The following HDLBP variants were observed in gnomAD, a reference collection of about 807,000 sequenced individuals.
The protein encoded by HDLBP is high density lipoprotein binding protein.
HDLBP carries 30 observed loss-of-function variants against 137.3 expected under a neutral mutation model. The ratio of observed to expected loss-of-function variants is 0.22; its 90% confidence interval spans 0.16 to 0.30. HDLBP has a LOEUF of 0.30. HDLBP is among the 10% of genes least tolerant of loss of function. The pLI is 1.00. For synonymous variants in HDLBP, 606 were observed against 596.0 expected (o/e 1.02, Z -0.24); for missense variants, 1,119 against 1,667.3 (o/e 0.67, Z 5.73).
intron 6 of HDLBP, 55 bp from the exon 7 acceptor site, chr2:241,256,454 C>G: frequency 6.5e-7 from 1 of 1,529,128 alleles, no homozygotes; most frequent in Non-Finnish European, 8.9e-7. Flanking sequence ...AAACTGGGGA[C>G]AGACAGGGCT....
Position 241,274,518 on chromosome 2 carries a change from G to A in HDLBP, c.-102-5977C>T, listed in dbSNP as rs867096262. On this transcript the variant is annotated intron_variant, in intron 1 of 27. Coordinates refer to ENST00000310931, the MANE Select transcript of HDLBP (RefSeq NM_005336.6). ...GTTTTGTTTTTGAGGGCTCAGCACT[G>A]CAGAGGGAGATGGAGAAAGAGTAAC... 2.6e-5 allele frequency among the ~76,000 whole-genome samples: 4 copies of A among 152,320 alleles called. No homozygotes were observed. The South Asian group carries it at 6.2e-4, about 24-fold the overall frequency.
intron 1 of HDLBP, among the ~76,000 whole-genome samples, chr2:241,297,259 G>A (rs1441786026): frequency 1.3e-5 from 2 of 152,122 alleles, no homozygotes; most frequent in East Asian, 3.9e-4. Context: ...AGGAGGCAGC[G>A]GGCATCCAAG....
chr2:241,244,657 C>A (rs2071526104), intron 16 of HDLBP, among the ~76,000 whole-genome samples: 1 of 152,182 alleles, frequency 6.6e-6, no homozygotes, highest in African/African-American at 2.4e-5. Context: ...TTACCGGATA[C>A]ACACTACGAG....
At chr2:241,301,178 G>A (rs1364493413) in intron 1 of HDLBP, among the ~76,000 whole-genome samples, 2 of 149,238 alleles carry the variant, frequency 1.3e-5, no homozygotes, top group Non-Finnish European at 3.0e-5. Flanking sequence ...TAGTAGAGAC[G>A]GGGCTTCATC....
At position 241,232,604 on chromosome 2, in the gene HDLBP, ATAGAATAG is replaced by A. The variant is rs1308881453; in HGVS notation, c.3288+1208_3288+1215del. On this transcript the variant is annotated intron_variant, in intron 24 of 27. Coordinates refer to ENST00000310931, the MANE Select transcript of HDLBP (RefSeq NM_005336.6). ...AATGACTTTTAAGATTGATAATTAT[ATAGAATAG>A]TAGAGGGAAATAAAAGGCAATAAGG... Among the ~76,000 whole-genome samples the A allele has an allele frequency of 2.0e-5, 3 of 152,132 alleles. No individual in the cohort carries two copies. The East Asian group carries it at 5.8e-4, about 29-fold the overall frequency.
At position 241,255,040 on chromosome 2, in the gene HDLBP, C is replaced by T. The variant is rs376401837; in HGVS notation, c.1188+11G>A. ...CAAATTCAATACAACAGGTGAAAAACGTGTCCTTACCTTTGGCATCTGCTG... is the reference window on the plus strand; with the variant it reads ...CAAATTCAATACAACAGGTGAAAAATGTGTCCTTACCTTTGGCATCTGCTG... On this transcript the variant is annotated intron_variant, in intron 9 of 27. Transcript: ENST00000310931. 5.1e-5 allele frequency: 80 copies of T among 1,571,620 alleles called. No individual in the cohort carries two copies. Among genetic ancestry groups the T allele is most frequent in the Admixed American group, 6.7e-5 (4 of 59,934 alleles).
intron 1 of HDLBP, among the ~76,000 whole-genome samples, chr2:241,275,500 A>C (rs1217247478): frequency 6.6e-6 from 1 of 152,224 alleles, no homozygotes; most frequent in Admixed American, 6.5e-5. Flanking sequence ...AAAAAATCCA[A>C]AGAACAGAGA....
intron 5 of HDLBP, among the ~76,000 whole-genome samples, chr2:241,262,313 T>C (rs994123802): frequency 6.6e-5 from 10 of 152,186 alleles, no homozygotes; most frequent in African/African-American, 2.2e-4. Context: ...TGGCCAGATG[T>C]GGTGGTGTGC....
chr2:241,267,438 TCAACACC>T, intron 2 of HDLBP: 2 of 758,526 alleles, frequency 2.6e-6, no homozygotes, highest in Non-Finnish European at 4.4e-6. Flanking sequence ...AGAGACACAG[TCAACACC>T]ACCCCTAACC....
intron 1 of HDLBP, chr2:241,273,779 C>A: frequency 2.0e-6 from 1 of 504,874 alleles, no homozygotes; most frequent in Non-Finnish European, 2.6e-6. Flanking sequence ...AGCCTGCAGC[C>A]AGGCCACGGG....
chr2:241,232,585 T>G (rs1385303846), intron 24 of HDLBP, among the ~76,000 whole-genome samples: 2 of 152,120 alleles, frequency 1.3e-5, no homozygotes, highest in Non-Finnish European at 2.9e-5. Flanking sequence ...CTATAATGAC[T>G]TTTAAGATTG....
At position 241,229,953 on chromosome 2, in the gene HDLBP, G is replaced by A. The variant is rs563969512; in HGVS notation, c.3600C>T (p.Asp1200=). The A allele has an allele frequency of 2.5e-5, 40 of 1,598,918 alleles. No homozygotes were observed. The highest frequency in any genetic ancestry group is 3.4e-4 in the Middle Eastern group (2 of 5,928). Residue 1200 remains aspartate, a synonymous_variant, in exon 27 of 28, where the codon GAC becomes GAT. Transcript: ENST00000310931. ...CCTGCAGCGCCTCACTGTCCACCAC[G>A]TCAGCTAGCTGCAGGCAGAAGACAG... ...ILNLEEEYLA[D]VVDSEALQVY...
intron 1 of HDLBP, among the ~76,000 whole-genome samples, chr2:241,312,524 T>C (rs989779053): frequency 6.6e-5 from 10 of 152,260 alleles, no homozygotes; most frequent in Non-Finnish European, 7.3e-5. Flanking sequence ...TGACACATTA[T>C]ACTGGTTGGG....
At chr2:241,263,024 A>G (rs535905809) in intron 4 of HDLBP, 98 bp from the exon 5 acceptor site, 1 of 931,660 alleles carries the variant, frequency 1.1e-6, no homozygotes, top group Non-Finnish European at 1.7e-6. Context: ...CCACTCACAA[A>G]GCAGCCCCAC....
chr2:241,259,394 T>C (rs1486738660), intron 5 of HDLBP, among the ~76,000 whole-genome samples: 1 of 152,206 alleles, frequency 6.6e-6, no homozygotes, highest in Non-Finnish European at 1.5e-5. Flanking sequence ...CATGTAAATG[T>C]TGAAATACTT....
Position 241,286,773 on chromosome 2 carries a change from AAAAAAT to A in HDLBP, c.-102-18238_-102-18233del, listed in dbSNP as rs1208445923. On this transcript the variant is annotated intron_variant, in intron 1 of 27. Coordinates refer to ENST00000310931, the MANE Select transcript of HDLBP (RefSeq NM_005336.6). ...TGAAACCCTGTCTCTACCAAAAAAT[AAAAAAT>A]AAAAATAAAAATAAAAATTAGCCAG... 7.9e-5 allele frequency among the ~76,000 whole-genome samples: 12 copies of A among 152,110 alleles called. No individual in the cohort carries two copies. In the East Asian group the frequency reaches 9.7e-4, roughly 12 times the overall value.
chr2:241,231,022 C>G, intron 24 of HDLBP, 78 bp from the exon 25 acceptor site: 1 of 1,236,168 alleles, frequency 8.1e-7, no homozygotes, highest in Admixed American at 1.8e-5. Flanking sequence ...GCCCCCACTG[C>G]TGAGGAAAAC....
intron 3 of HDLBP, among the ~76,000 whole-genome samples, chr2:241,265,658 C>G (rs985860176): frequency 6.6e-6 from 1 of 152,188 alleles, no homozygotes; most frequent in Non-Finnish European, 1.5e-5. Flanking sequence ...AATAGCAAGG[C>G]CCAGTGAAAA....
Position 241,266,779 on chromosome 2 carries a change from T to A in HDLBP, c.76+15A>T. On this transcript the variant is annotated intron_variant, in intron 3 of 27. Transcript: ENST00000310931. ...CTTAGACATTACCAGGAAGAGCACA[T>A]AAAAGGGCTGTCACCTTTGATTTGT... 3.9e-6 allele frequency: 6 copies of A among 1,534,650 alleles called. No individual in the cohort carries two copies. Among genetic ancestry groups the A allele is most frequent in the Non-Finnish European group, 5.4e-6 (6 of 1,107,438 alleles).
Sources: allele counts gnomAD v4.1 joint callset (sites outside exome capture counted in the v4.1 genomes callset), GRCh38; gene constraint gnomAD v4.1.1; transcripts MANE v1.5; gene names NCBI Gene and HGNC (gene_info 2026-07-23, HGNC 2026-07-21).